Variants in SEMA3E observed in about 807,000 individuals in gnomAD.
SEMA3E encodes semaphorin 3E, also known as semaphorin-3E.
Under a neutral mutation model 93.6 loss-of-function variants are expected in SEMA3E, and 49 were observed. The observed-to-expected ratio is 0.52, with a 90% CI of 0.42 to 0.66. SEMA3E has a LOEUF of 0.66. SEMA3E is among the 30% of genes least tolerant of loss of function. SEMA3E has a pLI of 0.00. For synonymous variants in SEMA3E, 363 were observed against 330.7 expected (o/e 1.10, Z -1.06); for missense variants, 906 against 964.8 (o/e 0.94, Z 0.81).
intron 1 of SEMA3E, among the ~76,000 whole-genome samples, chr7:83,575,767 T>C (rs1193420381): frequency 6.6e-6 from 1 of 152,186 alleles, no homozygotes; most frequent in African/African-American, 2.4e-5. Context: ...AGAAAATATA[T>C]CTTAACATTT....
intron 1 of SEMA3E, among the ~76,000 whole-genome samples, chr7:83,638,843 G>A (rs1793932842): frequency 6.6e-6 from 1 of 151,992 alleles, no homozygotes; most frequent in African/African-American, 2.4e-5. Flanking sequence ...CGGGCGCGGT[G>A]GCTCACGCCT....
chr7:83,453,840 TATA>T (rs766035282), intron 4 of SEMA3E, among the ~76,000 whole-genome samples: 38 of 152,260 alleles, frequency 2.5e-4, no homozygotes, highest in Middle Eastern at 3.4e-3. Context: ...TATCTGAAAG[TATA>T]ATGTTATAAA....
chr7:83,469,671 T>C (rs1026650695), intron 2 of SEMA3E, among the ~76,000 whole-genome samples: 1 of 152,178 alleles, frequency 6.6e-6, no homozygotes, highest in East Asian at 1.9e-4. Context: ...CAGAACCTGC[T>C]GTGTGGTGGG....
At chr7:83,631,078 A>G (rs530218605) in intron 1 of SEMA3E, among the ~76,000 whole-genome samples, 263 of 152,284 alleles carry the variant, frequency 1.7e-3, no homozygotes, top group African/African-American at 6.1e-3. Flanking sequence ...CACAGCTATG[A>G]TGGTATTTTA....
At chr7:83,463,151 T>C (rs1443119664) in intron 4 of SEMA3E, among the ~76,000 whole-genome samples, 1 of 127,886 alleles carries the variant, frequency 7.8e-6, no homozygotes, top group Admixed American at 9.2e-5. Flanking sequence ...GACTGATCTC[T>C]CAAACCCAAG....
chr7:83,610,202 A>G (rs1793221382), intron 1 of SEMA3E, among the ~76,000 whole-genome samples: 1 of 152,020 alleles, frequency 6.6e-6, no homozygotes, highest in Non-Finnish European at 1.5e-5. Context: ...TCACTCTACC[A>G]ATCTATCCTG....
At chr7:83,632,118 GCA>G (rs1029345598) in intron 1 of SEMA3E, among the ~76,000 whole-genome samples, 8 of 149,656 alleles carry the variant, frequency 5.3e-5, no homozygotes, top group Non-Finnish European at 1.0e-4. Context: ...GCACACCATT[GCA>G]CTCCAGCCTG....
At position 83,565,995 on chromosome 7, in the gene SEMA3E, CTT is replaced by C. The variant is rs750248438; in HGVS notation, c.116-75723_116-75722del. On this transcript the variant is annotated intron_variant, in intron 1 of 16. Coordinates refer to ENST00000643230, the MANE Select transcript of SEMA3E (RefSeq NM_012431.3). Reference sequence around the variant, plus strand: ...TTCCTTACTTACCAATGTTTCCACTCTTTTTTTTTTTTTTTTTTTGAGATGGA... The same window carrying C: ...TTCCTTACTTACCAATGTTTCCACTCTTTTTTTTTTTTTTTTTGAGATGGA... Among the ~76,000 whole-genome samples the C allele has an allele frequency of 9.2e-3, 1,040 of 112,674 alleles. 4 individuals carry two copies. Among genetic ancestry groups the C allele is most frequent in the African/African-American group, 0.035 (978 of 27,784 alleles). The allele number at this position is 112,674 out of a possible 152,430, so 73.9% of individuals were successfully genotyped here.
At chr7:83,503,633 G>A (rs767888671) in intron 1 of SEMA3E, among the ~76,000 whole-genome samples, 2 of 152,088 alleles carry the variant, frequency 1.3e-5, no homozygotes, top group African/African-American at 2.4e-5. Context: ...TGCAAACCTA[G>A]GCTATATATG....
chr7:83,451,440 A>G (rs571857439), intron 4 of SEMA3E, among the ~76,000 whole-genome samples: 2 of 152,344 alleles, frequency 1.3e-5, no homozygotes, highest in East Asian at 1.9e-4. Flanking sequence ...GGAGTTTTAC[A>G]TCAAGGCATA....
intron 2 of SEMA3E, among the ~76,000 whole-genome samples, chr7:83,479,643 A>C (rs958424721): frequency 6.6e-6 from 1 of 152,116 alleles, no homozygotes; most frequent in Non-Finnish European, 1.5e-5. Context: ...CTTCTCACAA[A>C]AGCTAAGAGA....
intron 2 of SEMA3E, among the ~76,000 whole-genome samples, chr7:83,470,567 G>T (rs1181693366): frequency 2.6e-5 from 4 of 151,908 alleles, no homozygotes; most frequent in African/African-American, 9.7e-5. Flanking sequence ...TTTTATTTTA[G>T]TTAATTATTT....
chr7:83,501,515 C>T (rs1332628865), intron 1 of SEMA3E, among the ~76,000 whole-genome samples: 2 of 152,068 alleles, frequency 1.3e-5, no homozygotes, highest in African/African-American at 2.4e-5. Context: ...TGCAGTGGCA[C>T]GATCTTGGCT....
In SEMA3E at chr7:83,450,307, A is replaced by T. The variant is rs368907345; in HGVS notation, c.456+16175T>A. On this transcript the variant is annotated intron_variant, in intron 4 of 16. Coordinates refer to ENST00000643230, the MANE Select transcript of SEMA3E (RefSeq NM_012431.3). ...AACACACCCATAAGTTCACCAAAAG[A>T]TATGGACAAGAATGCTCATAGCAGC... 3.3e-4 allele frequency among the ~76,000 whole-genome samples: 50 copies of T among 152,322 alleles called. 1 individual carries two copies. The highest frequency in any genetic ancestry group is 1.2e-3 in the African/African-American group (48 of 41,568).
intron 5 of SEMA3E, among the ~76,000 whole-genome samples, chr7:83,416,562 G>A (rs1279806455): frequency 2.0e-5 from 3 of 152,116 alleles, no homozygotes; most frequent in East Asian, 1.9e-4. Flanking sequence ...TATAGAAGCA[G>A]CATATACTGT....
intron 1 of SEMA3E, among the ~76,000 whole-genome samples, chr7:83,588,757 A>C (rs543324507): frequency 6.6e-6 from 1 of 152,314 alleles, no homozygotes; most frequent in East Asian, 1.9e-4. Context: ...AGTAGCATGA[A>C]AAGTAAATGA....
intron 1 of SEMA3E, among the ~76,000 whole-genome samples, chr7:83,497,087 C>T (rs1350081516): frequency 6.6e-6 from 1 of 152,100 alleles, no homozygotes; most frequent in Non-Finnish European, 1.5e-5. Flanking sequence ...TGCTAAGCTG[C>T]ATGCTAGTTA....
At chr7:83,507,471 T>A (rs1478011208) in intron 1 of SEMA3E, among the ~76,000 whole-genome samples, 1 of 141,038 alleles carries the variant, frequency 7.1e-6, no homozygotes, top group Non-Finnish European at 1.5e-5. Flanking sequence ...TGTGTGTGTG[T>A]GTGAAAGGGA....
chr7:83,598,292 T>C (rs1313922895), intron 1 of SEMA3E, among the ~76,000 whole-genome samples: 1 of 152,152 alleles, frequency 6.6e-6, no homozygotes, highest in Non-Finnish European at 1.5e-5. Flanking sequence ...AGTATTTCTC[T>C]GCAGATGTGA....
Sources: allele counts gnomAD v4.1 joint callset (sites outside exome capture counted in the v4.1 genomes callset), GRCh38; gene constraint gnomAD v4.1.1; transcripts MANE v1.5; gene names NCBI Gene and HGNC (gene_info 2026-07-23, HGNC 2026-07-21).